Variants in MLXIPL observed in about 807,000 individuals in gnomAD.
MLXIPL encodes the protein carbohydrate-responsive element-binding protein.
MLXIPL carries 49 observed loss-of-function variants against 81.5 expected under a neutral mutation model. The observed-to-expected ratio is 0.60, with a 90% CI of 0.48 to 0.76. MLXIPL has a LOEUF of 0.76. MLXIPL is among the 30% of genes least tolerant of loss of function. MLXIPL has a pLI of 0.00. For missense variants in MLXIPL, 1,053 were observed against 1,167.0 expected, an observed-to-expected ratio of 0.90 and a Z score of 1.42; for synonymous variants, 466 against 485.5, an observed-to-expected ratio of 0.96 and a Z score of 0.53.
chr7:73,597,289 G>T lies in MLXIPL; in HGVS notation c.1496C>A (p.Ser499Tyr). Residue 499 changes from serine to tyrosine, a missense_variant, in exon 9 of 17, where the codon TCC becomes TAC. Around this residue, in one of 3 missense-constraint regions of MLXIPL, gnomAD observed 823 missense variants for 933.0 expected, o/e 0.88. Coordinates refer to ENST00000313375, the MANE Select transcript of MLXIPL (RefSeq NM_032951.3). ...GGGGCTGGCTTTCTGTCCCCTAGGG[G>T]ATGGGGCGGGGGGCTTGCCTCTGGG... ...SMPRGKPPAP[S>Y]PRGQKASPPT... The T allele has an allele frequency of 6.4e-7, 1 of 1,570,074 alleles. No homozygotes were observed.
rs782141017 is a variant in MLXIPL at position 73,607,034 on chromosome 7, G to C, written c.574-16C>G. The C allele has an allele frequency of 6.2e-7, 1 of 1,612,920 alleles. No homozygotes were observed. The highest frequency in any genetic ancestry group is 1.1e-5 in the South Asian group (1 of 90,724). On this transcript the variant is annotated splice_polypyrimidine_tract_variant and intron_variant, in intron 4 of 16. Coordinates refer to ENST00000313375, the MANE Select transcript of MLXIPL (RefSeq NM_032951.3). ...GCTTACGGAGCTGCAGGGACACACA[G>C]AGTTGGACACCGGATCCCTTGCCCC...
upstream of MLXIPL, among the ~76,000 whole-genome samples, chr7:73,628,403 A>T (rs1796786116): frequency 6.6e-6 from 1 of 152,144 alleles, no homozygotes; most frequent in South Asian, 2.1e-4. Flanking sequence ...ACACCTCTAG[A>T]AGCCTAACCG....
At chr7:73,628,375 C>G (rs1215574054), upstream of MLXIPL, among the ~76,000 whole-genome samples, 1 of 152,182 alleles carries the variant, frequency 6.6e-6, no homozygotes, top group East Asian at 1.9e-4. Flanking sequence ...CATTTCTGCC[C>G]TCCTCCAGGG....
chr7:73,624,129 A>C, intron 1 of MLXIPL, 71 bp downstream of exon 1: 1 of 1,470,638 alleles, frequency 6.8e-7, no homozygotes, highest in Non-Finnish European at 9.0e-7. Flanking sequence ...CCCAGCGCGC[A>C]GTCCTGCCCC....
chr7:73,607,748 T>G (rs1795417787), intron 2 of MLXIPL, 76 bp from the exon 3 acceptor site: 1 of 1,314,466 alleles, frequency 7.6e-7, no homozygotes, highest in Non-Finnish European at 1.1e-6. Flanking sequence ...GGGACTCAAG[T>G]GACACCCTGC....
chr7:73,597,790 C>T, intron 8 of MLXIPL, 77 bp from the exon 9 acceptor site: 2 of 1,135,266 alleles, frequency 1.8e-6, no homozygotes, highest in Non-Finnish European at 1.1e-6. Flanking sequence ...CCTCCCCTGC[C>T]CTGCCTTGCC....
chr7:73,598,123 A>G (rs1482147336), intron 8 of MLXIPL, among the ~76,000 whole-genome samples: 2 of 151,654 alleles, frequency 1.3e-5, no homozygotes, highest in Non-Finnish European at 2.9e-5. Flanking sequence ...CCATTCCTTC[A>G]TCATCCATCC....
the MLXIPL span, among the ~76,000 whole-genome samples, chr7:73,636,942 C>A: frequency 6.6e-6 from 1 of 151,576 alleles, no homozygotes; most frequent in African/African-American, 2.4e-5. Context: ...TGCCTGTAAT[C>A]CCAGCTACTC....
chr7:73,603,702 G>A (rs561694448), intron 7 of MLXIPL, among the ~76,000 whole-genome samples: 3 of 152,344 alleles, frequency 2.0e-5, no homozygotes, highest in East Asian at 1.9e-4. Flanking sequence ...TACCTGGCCC[G>A]CACATAGCTC....
At chr7:73,637,207 G>A in the MLXIPL span, among the ~76,000 whole-genome samples, 1 of 152,076 alleles carries the variant, frequency 6.6e-6, no homozygotes, top group Non-Finnish European at 1.5e-5. Context: ...GCCTTGTGCA[G>A]TGGCTCATGC....
chr7:73,593,673 G>A lies in MLXIPL; in HGVS notation c.*192C>T, dbSNP rs1236503212. 3 of 594,706 alleles carry A rather than the reference G, an allele frequency of 5.0e-6. No individual in the cohort carries two copies. The highest frequency in any genetic ancestry group is 9.1e-6 in the Non-Finnish European group (3 of 328,638). 36.8% of individuals were successfully genotyped at this position (594,706 alleles called of 1,614,324 possible). On this transcript the variant is annotated 3_prime_UTR_variant, in exon 17 of 17. Coordinates refer to ENST00000313375, the MANE Select transcript of MLXIPL (RefSeq NM_032951.3). ...GGTGCTGGAGCACAGTGGCAGAGCA[G>A]GGACGGGGACTCTGCTCTTCTTGAC...
Position 73,597,367 on chromosome 7 carries a change from T to C in MLXIPL, c.1418A>G (p.Glu473Gly). The C allele has an allele frequency of 2.8e-6, 4 of 1,430,260 alleles. No individual in the cohort carries two copies. Among genetic ancestry groups the C allele is most frequent in the South Asian group, 1.5e-5 (1 of 68,408 alleles). 88.6% of individuals were successfully genotyped at this position (1,430,260 alleles called of 1,614,324 possible). The change falls in exon 9 of 17, where the codon GAG becomes GGG. Residue 473 changes from glutamate to glycine, a missense_variant. Physicochemically the swap from Glu to Gly is moderately conservative, Grantham distance 98. Transcript: ENST00000313375. ...PSPAPTPFPIELLPLGYSEPA... is the reference protein window; with the variant it reads ...PSPAPTPFPIGLLPLGYSEPA... ...CTCCGAATACCCCAAGGGTAGAAGC[T>C]CTATGGGGAAGGGGGTGGGGGCTGG...
chr7:73,599,769 G>T, intron 7 of MLXIPL, 74 bp from the exon 8 acceptor site: 1 of 1,441,278 alleles, frequency 6.9e-7, no homozygotes, highest in Non-Finnish European at 9.5e-7. Flanking sequence ...GAGGAGAGTG[G>T]CCTGTCCCCA....
chr7:73,606,123 G>A lies in MLXIPL; in HGVS notation c.619-12C>T. The A allele has an allele frequency of 1.3e-6, 2 of 1,564,350 alleles. No homozygotes were observed. Among genetic ancestry groups the A allele is most frequent in the Non-Finnish European group, 1.7e-6 (2 of 1,154,640 alleles). On this transcript the variant is annotated splice_polypyrimidine_tract_variant and intron_variant, in intron 5 of 16. Transcript: ENST00000313375. ...CACCTGCCTTCCGCCTAGGGAGACAGAGCCGTCAGCAGCCGCTAGAGAGCT... is the reference window on the plus strand; with the variant it reads ...CACCTGCCTTCCGCCTAGGGAGACAAAGCCGTCAGCAGCCGCTAGAGAGCT...
At chr7:73,631,943 TTTC>T in the MLXIPL span, among the ~76,000 whole-genome samples, 2 of 134,228 alleles carry the variant, frequency 1.5e-5, no homozygotes, top group African/African-American at 5.5e-5. Flanking sequence ...CTCCTCTTCT[TTTC>T]TCTTTTCTTT....
At chr7:73,633,230 G>A in the MLXIPL span, among the ~76,000 whole-genome samples, 18 of 151,394 alleles carry the variant, frequency 1.2e-4, no homozygotes, top group East Asian at 2.7e-3. Context: ...ACAGTCACCC[G>A]CCACCACGCC....
intron 1 of MLXIPL, among the ~76,000 whole-genome samples, chr7:73,620,698 C>T (rs1286831424): frequency 3.3e-5 from 5 of 150,256 alleles, no homozygotes; most frequent in African/African-American, 9.8e-5. Context: ...GCTGAGATTG[C>T]GCCACTGCAC....
intron 2 of MLXIPL, among the ~76,000 whole-genome samples, chr7:73,611,833 A>C (rs1157706844): frequency 2.0e-5 from 3 of 151,936 alleles, no homozygotes; most frequent in Non-Finnish European, 4.4e-5. Context: ...AAAATAAAAT[A>C]AAATAAAGCA....
Position 73,593,834 on chromosome 7 carries a change from C to T in MLXIPL, c.*31G>A. 6.4e-7 allele frequency: 1 copy of T among 1,574,352 alleles called. No individual in the cohort carries two copies. The highest frequency in any genetic ancestry group is 8.7e-7 in the Non-Finnish European group (1 of 1,144,160). ...TGCCCAGGGAAAGCAGCCCCCAGGG[C>T]AGCTGAGTGAGCAGCAGGGTCTGGC... On this transcript the variant is annotated 3_prime_UTR_variant, in exon 17 of 17. Coordinates refer to ENST00000313375, the MANE Select transcript of MLXIPL (RefSeq NM_032951.3).
Sources: allele counts gnomAD v4.1 joint callset (sites outside exome capture counted in the v4.1 genomes callset), GRCh38; gene constraint gnomAD v4.1.1; regional missense constraint gnomAD v4.1.1; transcripts MANE v1.5; gene names NCBI Gene and HGNC (gene_info 2026-07-23, HGNC 2026-07-21).